The following TRIQK variants were observed in gnomAD, a reference collection of about 807,000 sequenced individuals.
TRIQK encodes the protein triple QxxK/R motif containing, also known as triple QxxK/R motif-containing protein.
TRIQK carries 10 observed loss-of-function variants against 10.8 expected under a neutral mutation model. The observed-to-expected ratio is 0.92, with a 90% CI of 0.57 to 1.57. TRIQK has a LOEUF of 1.57. TRIQK is among the 40% of genes most tolerant of loss of function. The probability of loss-of-function intolerance (pLI) is 0.00; values close to 1 mark genes in which losing one functional copy is unlikely to be tolerated. For synonymous variants in TRIQK, 33 were observed against 33.7 expected, an observed-to-expected ratio of 0.98 and a Z score of 0.07; for missense variants, 107 against 97.7, an observed-to-expected ratio of 1.09 and a Z score of -0.40.
At chr8:92,886,887 C>T (rs540023676) in intron 4 of TRIQK, 152 bp from the exon 5 acceptor site, 26 of 417,828 alleles carry the variant, frequency 6.2e-5, no homozygotes, top group Middle Eastern at 7.6e-4. Flanking sequence ...CATTTTTTGC[C>T]GTTAAGAAAC....
At chr8:92,914,117 AC>A (rs1259693200) in intron 3 of TRIQK, among the ~76,000 whole-genome samples, 2 of 152,324 alleles carry the variant, frequency 1.3e-5, no homozygotes, top group South Asian at 2.1e-4. Flanking sequence ...TTAAGGTATA[AC>A]AAAAAATAAA....
chr8:92,963,551 A>G (rs1379474916), intron 1 of TRIQK: 2 of 152,118 alleles, frequency 1.3e-5, no homozygotes, highest in Non-Finnish European at 1.5e-5. Flanking sequence ...CTTTGTCCAA[A>G]ACGGACCTCG....
intron 1 of TRIQK, among the ~76,000 whole-genome samples, chr8:93,012,138 A>G (rs1237190415): frequency 6.6e-6 from 1 of 152,212 alleles, no homozygotes; most frequent in Non-Finnish European, 1.5e-5. Context: ...TGGGAAAGCA[A>G]TATGGGCTAA....
intron 1 of TRIQK, among the ~76,000 whole-genome samples, chr8:93,003,177 T>G (rs1425489542): frequency 6.6e-6 from 1 of 152,136 alleles, no homozygotes; most frequent in Non-Finnish European, 1.5e-5. Flanking sequence ...AAGAACTACC[T>G]GAGACTGGGC....
intron 2 of TRIQK, among the ~76,000 whole-genome samples, chr8:92,948,059 A>G (rs1811647751): frequency 6.6e-6 from 1 of 152,174 alleles, no homozygotes; most frequent in Non-Finnish European, 1.5e-5. Flanking sequence ...TTTCTCACAC[A>G]CATAAAAACA....
At chr8:93,014,849 G>A (rs1813368401) in intron 1 of TRIQK, among the ~76,000 whole-genome samples, 1 of 151,984 alleles carries the variant, frequency 6.6e-6, no homozygotes, top group South Asian at 2.1e-4. Flanking sequence ...AGTTATTGAA[G>A]TCTGAAATGA....
chr8:92,979,936 T>A (rs1403542952), intron 1 of TRIQK, among the ~76,000 whole-genome samples: 1 of 152,104 alleles, frequency 6.6e-6, no homozygotes, highest in Non-Finnish European at 1.5e-5. Context: ...TCCCTTTAAC[T>A]GTATATATCA....
In TRIQK at chr8:93,002,723, C is replaced by A. The variant is rs567800451; in HGVS notation, c.-181+14886G>T. On this transcript the variant is annotated intron_variant, in intron 1 of 4. Coordinates refer to the TRIQK transcript ENST00000520686. ...TCACCTGAGGCCAGGATTTCGAGAC[C>A]AGCCTGGCCAACATGGCGAAACCCC... Among the ~76,000 whole-genome samples, 145 of 152,140 alleles carry A rather than the reference C, an allele frequency of 9.5e-4. 4 individuals carry two copies. The South Asian group carries it at 0.028, about 30-fold the overall frequency.
intron 3 of TRIQK, among the ~76,000 whole-genome samples, chr8:92,894,470 A>G (rs1808489521): frequency 6.6e-6 from 1 of 152,244 alleles, no homozygotes; most frequent in African/African-American, 2.4e-5. Context: ...ACACAGTTAC[A>G]TAATCTAGAT....
At chr8:92,965,196 T>C (rs778312197) in intron 1 of TRIQK, 1 of 152,174 alleles carries the variant, frequency 6.6e-6, no homozygotes, top group South Asian at 2.1e-4. Flanking sequence ...AGATTATACA[T>C]TGGGGCTCCT....
chr8:92,987,544 ATAC>A (rs1813047166), intron 1 of TRIQK, among the ~76,000 whole-genome samples: 1 of 152,212 alleles, frequency 6.6e-6, no homozygotes, highest in South Asian at 2.1e-4. Context: ...TTGTCTTTGA[ATAC>A]TAGCAGTCTT....
At chr8:92,944,023 C>A (rs938171599) in intron 2 of TRIQK, among the ~76,000 whole-genome samples, 5 of 151,792 alleles carry the variant, frequency 3.3e-5, no homozygotes, top group Admixed American at 6.6e-5. Flanking sequence ...CAAAAAAAAC[C>A]CCAAATAATC....
chr8:92,959,006 CAATT>C (rs775729200), intron 1 of TRIQK, among the ~76,000 whole-genome samples: 3 of 151,966 alleles, frequency 2.0e-5, no homozygotes, highest in African/African-American at 4.8e-5. Context: ...TATTTATAAA[CAATT>C]AAATTTGAAT....
chr8:93,014,859 A>AT (rs1813368508), intron 1 of TRIQK, among the ~76,000 whole-genome samples: 1 of 152,000 alleles, frequency 6.6e-6, no homozygotes, highest in Admixed American at 6.6e-5. Flanking sequence ...GTCTGAAATG[A>AT]TTTTCTCATT....
chr8:93,016,640 C>T (rs1028171802), intron 1 of TRIQK, among the ~76,000 whole-genome samples: 4 of 152,110 alleles, frequency 2.6e-5, no homozygotes, highest in Non-Finnish European at 5.9e-5. Context: ...TTGGGAAAGG[C>T]AAGGCATGAT....
chr8:92,993,347 C>T (rs560369391), intron 1 of TRIQK, among the ~76,000 whole-genome samples: 85 of 152,294 alleles, frequency 5.6e-4, no homozygotes, highest in African/African-American at 2.0e-3. Context: ...TCATCTCTGG[C>T]TTTCCTCTTT....
chr8:92,937,570 C>T (rs567184516), intron 2 of TRIQK, among the ~76,000 whole-genome samples: 1 of 117,924 alleles, frequency 8.5e-6, no homozygotes, highest in Non-Finnish European at 1.7e-5. Context: ...TCTGCTGTTA[C>T]CTCATCTTCT....
rs188781294 is a variant in TRIQK, at chr8:92,952,618, A to C, written c.-22+1788T>G. The stretch of plus-strand genomic sequence containing the variant: ...ATCCAAGAAGCTCAAAGAACACCAA[A>C]AAGGATAAATGTCAAAAAAAACTAT... On this transcript the variant is annotated intron_variant, in intron 2 of 4. Transcript: ENST00000521988. 3.7e-4 allele frequency among the ~76,000 whole-genome samples: 56 copies of C among 152,144 alleles called. No individual in the cohort carries two copies. The East Asian group carries it at 9.7e-3, about 26-fold the overall frequency.
intron 1 of TRIQK, among the ~76,000 whole-genome samples, chr8:92,995,242 C>T (rs921073851): frequency 4.6e-5 from 7 of 152,080 alleles, no homozygotes; most frequent in Non-Finnish European, 8.8e-5. Context: ...CCTGTTATCC[C>T]GCTATTCCCT....
Sources: gnomAD v4.1 joint callset for allele counts (sites outside exome capture counted in the v4.1 genomes callset) on GRCh38, gnomAD v4.1.1 for gene constraint, MANE v1.5 for transcripts, NCBI Gene and HGNC (gene_info 2026-07-23, HGNC 2026-07-21) for gene names.